PXDNL: variants seen among roughly 807,000 people sequenced by gnomAD.
PXDNL encodes peroxidasin like.
PXDNL carries 145 observed loss-of-function variants against 150.8 expected under a neutral mutation model. The ratio of observed to expected loss-of-function variants is 0.96; its 90% CI spans 0.84 to 1.10. PXDNL has a LOEUF of 1.10. Ranked by LOEUF, PXDNL falls within the 50% of genes least tolerant of loss-of-function variation. PXDNL has a pLI of 0.00. For missense variants in PXDNL, 2,087 were observed against 1,873.9 expected (o/e 1.11, Z -2.10); for synonymous variants, 757 against 725.7 (o/e 1.04, Z -0.69).
chr8:51,552,336 C>T (rs1812507739), intron 4 of PXDNL, among the ~76,000 whole-genome samples: 1 of 151,976 alleles, frequency 6.6e-6, no homozygotes, highest in Admixed American at 6.5e-5. Flanking sequence ...TGGGTATCTA[C>T]CCACAGAAAA....
At chr8:51,775,011 T>C (rs889992148) in intron 1 of PXDNL, among the ~76,000 whole-genome samples, 1 of 152,194 alleles carries the variant, frequency 6.6e-6, no homozygotes, top group Non-Finnish European at 1.5e-5. Context: ...TGAAAGTCTA[T>C]GGTAACAGAA....
At chr8:51,561,307 T>G (rs1361577194) in intron 3 of PXDNL, among the ~76,000 whole-genome samples, 1 of 151,950 alleles carries the variant, frequency 6.6e-6, no homozygotes, top group African/African-American at 2.4e-5. Context: ...ACACACATGT[T>G]CCACACCAGC....
At chr8:51,578,477 CAG>C (rs1813138782) in intron 3 of PXDNL, among the ~76,000 whole-genome samples, 1 of 151,700 alleles carries the variant, frequency 6.6e-6, no homozygotes, top group Admixed American at 6.6e-5. Flanking sequence ...AAAAATTAAA[CAG>C]ATCTAAATAA....
chr8:51,702,290 G>A (rs993015259), intron 1 of PXDNL, among the ~76,000 whole-genome samples: 1 of 152,118 alleles, frequency 6.6e-6, no homozygotes, highest in Non-Finnish European at 1.5e-5. Context: ...TGCTACTTCC[G>A]TAAGTGATGG....
At chr8:51,719,868 G>T (rs1053335995) in intron 1 of PXDNL, among the ~76,000 whole-genome samples, 1 of 151,912 alleles carries the variant, frequency 6.6e-6, no homozygotes, top group Non-Finnish European at 1.5e-5. Context: ...AGTAAGCGGT[G>T]CGCTTAGAAG....
At chr8:51,525,047 A>G (rs1294752364) in intron 4 of PXDNL, among the ~76,000 whole-genome samples, 1 of 152,210 alleles carries the variant, frequency 6.6e-6, no homozygotes, top group Non-Finnish European at 1.5e-5. Context: ...ACAGGAAGGA[A>G]GAACAATTTT....
intron 1 of PXDNL, among the ~76,000 whole-genome samples, chr8:51,675,512 T>C (rs13251960): frequency 0.65 from 98,166 of 151,860 alleles, 33,933 homozygotes; most frequent in East Asian, 0.85. Flanking sequence ...TGCCCAGGCT[T>C]GGCCAGATGC....
intron 1 of PXDNL, among the ~76,000 whole-genome samples, chr8:51,771,997 G>T (rs1221676618): frequency 6.6e-6 from 1 of 152,026 alleles, no homozygotes; most frequent in Non-Finnish European, 1.5e-5. Context: ...GGTCATGTGA[G>T]GAGGTGTGGT....
chr8:51,396,060 T>C (rs1808072651), intron 17 of PXDNL, among the ~76,000 whole-genome samples: 1 of 152,226 alleles, frequency 6.6e-6, no homozygotes, highest in Non-Finnish European at 1.5e-5. Context: ...TTAGCTGCAC[T>C]TGGCTGAGAA....
At chr8:51,374,548 CA>C (rs1184160941) in intron 18 of PXDNL, 48 bp downstream of exon 18, 9 of 1,596,602 alleles carry the variant, frequency 5.6e-6, no homozygotes, top group Non-Finnish European at 7.7e-6. Flanking sequence ...CATTTTGGGT[CA>C]AAAACAACTT....
chr8:51,423,499 C>T, intron 14 of PXDNL, 76 bp downstream of exon 14: 5 of 1,197,456 alleles, frequency 4.2e-6, no homozygotes, highest in Non-Finnish European at 5.8e-6. Context: ...TTAGTGAGAT[C>T]AGTCAAATAG....
At chr8:51,399,223 C>CTGTT (rs1337817982) in intron 17 of PXDNL, among the ~76,000 whole-genome samples, 5 of 152,238 alleles carry the variant, frequency 3.3e-5, no homozygotes, top group African/African-American at 1.2e-4. Flanking sequence ...AGAAATTATA[C>CTGTT]TGTTAGGTTT....
chr8:51,644,383 C>T (rs1245638152), intron 2 of PXDNL, among the ~76,000 whole-genome samples: 17 of 25,822 alleles, frequency 6.6e-4, no homozygotes, highest in Non-Finnish European at 1.2e-3. Context: ...TATATACACA[C>T]ACATATGTGT....
intron 2 of PXDNL, among the ~76,000 whole-genome samples, chr8:51,613,419 G>C (rs1359006773): frequency 7.3e-6 from 1 of 137,710 alleles, no homozygotes; most frequent in East Asian, 2.2e-4. Context: ...AGACAAGAAA[G>C]TACACGTGAT....
chr8:51,531,540 C>T (rs1811907711), intron 4 of PXDNL, among the ~76,000 whole-genome samples: 1 of 152,112 alleles, frequency 6.6e-6, no homozygotes, highest in South Asian at 2.1e-4. Context: ...AGGCCGGTCC[C>T]CAGGGAGAAG....
chr8:51,655,398 T>C (rs1159616003), intron 1 of PXDNL, among the ~76,000 whole-genome samples: 1 of 152,102 alleles, frequency 6.6e-6, no homozygotes, highest in Non-Finnish European at 1.5e-5. Flanking sequence ...ATAAGCAAGA[T>C]AGGGTCCCTG....
intron 4 of PXDNL, among the ~76,000 whole-genome samples, chr8:51,511,883 C>G (rs1811428523): frequency 6.6e-6 from 1 of 152,218 alleles, no homozygotes; most frequent in South Asian, 2.1e-4. Context: ...CCCCAGTATA[C>G]TGTATCTGCT....
At position 51,624,779 on chromosome 8, in the gene PXDNL, C is replaced by T. The variant is rs1814332966; in HGVS notation, c.236+29910G>A. 2.0e-5 allele frequency among the ~76,000 whole-genome samples: 3 copies of T among 150,928 alleles called. No individual in the cohort carries two copies. In the South Asian group the frequency reaches 6.2e-4, roughly 31 times the overall value. The stretch of plus-strand genomic sequence containing the variant: ...TGACATAGCCAAGGTCTCAGGATTC[C>T]CAGTCTGAAAGCCAGAGCTTAGGTG... On this transcript the variant is annotated intron_variant, in intron 2 of 22. Transcript: ENST00000356297.
At chr8:51,405,780 G>T (rs1300744571) in intron 17 of PXDNL, among the ~76,000 whole-genome samples, 1 of 152,146 alleles carries the variant, frequency 6.6e-6, no homozygotes, top group Non-Finnish European at 1.5e-5. Flanking sequence ...AAAGCATCTG[G>T]CTTCTACTGA....
Sources: allele counts gnomAD v4.1 joint callset (sites outside exome capture counted in the v4.1 genomes callset), GRCh38; gene constraint gnomAD v4.1.1; transcripts MANE v1.5; gene names NCBI Gene and HGNC (gene_info 2026-07-23, HGNC 2026-07-21).